The following ATM variants were observed in gnomAD, a reference collection of about 807,000 sequenced individuals.
The protein encoded by ATM is ATM serine/threonine kinase.
Under a neutral mutation model 387.0 loss-of-function variants are expected in ATM, and 308 were observed. The ratio of observed to expected loss-of-function variants is 0.80; its 90% confidence interval spans 0.73 to 0.87. ATM has a LOEUF of 0.87. ATM is among the 40% of genes least tolerant of loss of function. ATM has a pLI of 0.00. For missense variants in ATM, 3,312 were observed against 3,560.9 expected (o/e 0.93, Z 1.78); for synonymous variants, 1,156 against 1,187.3 (o/e 0.97, Z 0.54).
Position 108,317,348 on chromosome 11 carries a change from TAAAAAC to T in ATM, c.6199-20_6199-15del, listed in dbSNP as rs1360645587. Reference sequence around the variant, plus strand: ...TGTTGATATCTTTGATTACTTAACTTAAAAACAAAATAACTCCTGTTTAGGCCTTGC... The same window carrying T: ...TGTTGATATCTTTGATTACTTAACTTAAAATAACTCCTGTTTAGGCCTTGC... On this transcript the variant is annotated intron_variant, in intron 42 of 62. Transcript: ENST00000675843. The T allele has an allele frequency of 5.6e-6, 9 of 1,605,632 alleles. No individual in the cohort carries two copies. The highest frequency in any genetic ancestry group is 1.3e-5 in the African/African-American group (1 of 74,536).
At chr11:108,282,145 T>C (rs76979331) in intron 24 of ATM, among the ~76,000 whole-genome samples, 2 of 151,160 alleles carry the variant, frequency 1.3e-5, no homozygotes, top group Non-Finnish European at 3.0e-5. Context: ...TTTTTTTTTT[T>C]GAGACGGAGT....
chr11:108,331,950 C>T lies in ATM; in HGVS notation c.7701C>T (p.Asn2567=), dbSNP rs786201637. ...TTATACTGGCCTTAGCAAATGCAAA[C>T]AGAGATGAATTTCTGACTAAACCAG... ...LFIILALANA[N]RDEFLTKPEV... The change falls in exon 52 of 63, where the codon AAC becomes AAT. Residue 2567 remains asparagine (N), a synonymous_variant. Transcript: ENST00000675843. The T allele has an allele frequency of 6.2e-7, 1 of 1,613,934 alleles. No homozygotes were observed. The highest frequency in any genetic ancestry group is 8.5e-7 in the Non-Finnish European group (1 of 1,179,898).
At chr11:108,312,565 A>AAAAAATTAGGAACTATACTG in intron 40 of ATM, 67 bp downstream of exon 40, 1 of 1,149,192 alleles carries the variant, frequency 8.7e-7, no homozygotes, top group African/African-American at 1.5e-5. Context: ...TTTGTTATAG[A>AAAAAATTAGGAACTATACTG]CACTGTACAG....
intron 56 of ATM, 131 bp from the exon 57 acceptor site, chr11:108,343,091 T>A: frequency 8.5e-7 from 1 of 1,180,290 alleles, no homozygotes; most frequent in Non-Finnish European, 1.2e-6. Context: ...AGGAGCTTTG[T>A]CTTCTATGGA....
intron 16 of ATM, among the ~76,000 whole-genome samples, chr11:108,262,329 C>T (rs2080947269): frequency 6.6e-6 from 1 of 151,960 alleles, no homozygotes; most frequent in Non-Finnish European, 1.5e-5. Flanking sequence ...GGCCAATATT[C>T]AACATTCTTA....
At chr11:108,239,184 G>T (rs910327532) in intron 5 of ATM, among the ~76,000 whole-genome samples, 7 of 152,188 alleles carry the variant, frequency 4.6e-5, no homozygotes, top group African/African-American at 1.4e-4. Context: ...AAAGAGGCCA[G>T]AGAGCTAACT....
chr11:108,300,570 T>C (rs966790430), intron 34 of ATM, among the ~76,000 whole-genome samples: 9 of 152,168 alleles, frequency 5.9e-5, no homozygotes, highest in Admixed American at 2.6e-4. Context: ...TTTCTGTACT[T>C]CCCTTCCTCC....
At chr11:108,297,259 A>C in intron 32 of ATM, 28 bp from the exon 33 acceptor site, 1 of 1,577,028 alleles carries the variant, frequency 6.3e-7, no homozygotes, top group Non-Finnish European at 8.7e-7. Flanking sequence ...ATGCTAGTTT[A>C]AACTAATTTT....
intron 40 of ATM, 23 bp downstream of exon 40, chr11:108,312,521 T>G: frequency 1.4e-6 from 2 of 1,479,494 alleles, no homozygotes; most frequent in Non-Finnish European, 1.9e-6. Context: ...GGCTCTATTA[T>G]TTATGACAGT....
chr11:108,294,606 G>A (rs769268743), intron 31 of ATM, among the ~76,000 whole-genome samples: 2 of 152,196 alleles, frequency 1.3e-5, no homozygotes, highest in Non-Finnish European at 2.9e-5. Context: ...GGGCGTGGTG[G>A]CACATTCCTG....
At chr11:108,294,454 A>G (rs936852267) in intron 31 of ATM, among the ~76,000 whole-genome samples, 3 of 152,140 alleles carry the variant, frequency 2.0e-5, no homozygotes. Flanking sequence ...AATTTAAAGG[A>G]TTAGGCTGGG....
Position 108,244,862 on chromosome 11 carries a change from A to G in ATM, c.737A>G (p.Asn246Ser), listed in dbSNP as rs781023264. 10 of 1,613,892 alleles carry G rather than the reference A, an allele frequency of 6.2e-6. No homozygotes were observed. Among genetic ancestry groups the G allele is most frequent in the East Asian group, 2.2e-5 (1 of 44,822 alleles). The change falls in exon 7 of 63, where the codon AAC becomes AGC. Residue 246 changes from asparagine to serine, a missense_variant. Transcript: ENST00000675843. ...ATCTTCCTCAAGACTTTGGCTGTCA[A>G]CTTTCGAATTCGAGTGTGTGAATTA... ...LTIFLKTLAV[N>S]FRIRVCELGD... is the part of the protein sequence containing the mutation.
intron 57 of ATM, among the ~76,000 whole-genome samples, chr11:108,343,944 C>A (rs1023214662): frequency 2.0e-5 from 3 of 152,122 alleles, no homozygotes; most frequent in Admixed American, 1.3e-4. Flanking sequence ...TTCTGTCTAC[C>A]AGGTACTGTG....
Position 108,365,082 on chromosome 11 carries a change from G to T in ATM, c.8851G>T (p.Val2951Phe), listed in dbSNP as rs1555151205. ...TAATACATATGTTCTCTCTGTTTAGGTCCTTCTATATGATCCACTCTTTGA... is the reference window on the plus strand; with the variant it reads ...TAATACATATGTTCTCTCTGTTTAGTTCCTTCTATATGATCCACTCTTTGA... ...SQETLLTIVE[V>F]LLYDPLFDWT... Residue 2951 changes from valine (V) to phenylalanine (F), a missense_variant and splice_region_variant, in exon 62 of 63, where the codon GTC becomes TTC. Physicochemically the swap from Val to Phe is conservative, Grantham distance 50. This residue lies in a region of ATM where 21 missense variants were observed against 51.6 expected (regional missense o/e 0.41). Coordinates refer to ENST00000675843, the MANE Select transcript of ATM (RefSeq NM_000051.4). 1 of 1,613,878 alleles carries T rather than the reference G, an allele frequency of 6.2e-7. No homozygotes were observed. Among genetic ancestry groups the T allele is most frequent in the Non-Finnish European group, 8.5e-7 (1 of 1,179,866 alleles).
chr11:108,232,884 CAG>C (rs199738028), intron 4 of ATM, among the ~76,000 whole-genome samples: 3,038 of 149,572 alleles, frequency 0.02, 79 homozygotes, highest in African/African-American at 0.066. Flanking sequence ...TTTTTTGAGA[CAG>C]AGTTTTGCTC....
At chr11:108,314,493 T>G (rs1309968946) in intron 40 of ATM, among the ~76,000 whole-genome samples, 1 of 151,934 alleles carries the variant, frequency 6.6e-6, no homozygotes, top group African/African-American at 2.4e-5. Flanking sequence ...GGTAGGTCGG[T>G]ACTTATTTCT....
In ATM at chr11:108,297,318, A is replaced by G. The variant is rs786201667; in HGVS notation, c.4941A>G (p.Leu1647=). 2 of 1,614,056 alleles carry G rather than the reference A, an allele frequency of 1.2e-6. No individual in the cohort carries two copies. Among genetic ancestry groups the G allele is most frequent in the Non-Finnish European group, 1.7e-6 (2 of 1,179,962 alleles). Reference sequence around the variant, plus strand: ...CGCAAGATGGGATTATGGTGAAACTAGTTGTCAATTTGTTGCAGTTATCCA... The same window carrying G: ...CGCAAGATGGGATTATGGTGAAACTGGTTGTCAATTTGTTGCAGTTATCCA... The part of the protein sequence containing the change: ...DNPQDGIMVK[L]VVNLLQLSKM... Residue 1647 remains leucine, a synonymous_variant, in exon 33 of 63, where the codon CTA becomes CTG. Coordinates refer to ENST00000675843, the MANE Select transcript of ATM (RefSeq NM_000051.4).
chr11:108,280,520 GGT>G (rs142379744), intron 23 of ATM, among the ~76,000 whole-genome samples: 11 of 150,570 alleles, frequency 7.3e-5, no homozygotes, highest in Admixed American at 1.3e-4. Context: ...ACATAGTAGG[GGT>G]GTGTGTGTGT....
rs1035067652 is a variant in ATM, at chr11:108,369,016, A to G, written c.*3508A>G. The G allele has an allele frequency of 5.5e-6, 1 of 180,408 alleles. No individual in the cohort carries two copies. The highest frequency in any genetic ancestry group is 2.0e-4 in the South Asian group (1 of 5,064). 11.2% of individuals were successfully genotyped at this position (180,408 alleles called of 1,614,324 possible). On this transcript the variant is annotated 3_prime_UTR_variant, in exon 63 of 63. Transcript: ENST00000675843. ...ACCTTAATGAAATTATCTATTTTCT[A>G]TAGATTTTAGTACTATTGAATGTAT...
Sources: gnomAD v4.1 joint callset for allele counts (sites outside exome capture counted in the v4.1 genomes callset) on GRCh38, gnomAD v4.1.1 for gene constraint, gnomAD v4.1.1 regional missense constraint, MANE v1.5 for transcripts, NCBI Gene and HGNC (gene_info 2026-07-23, HGNC 2026-07-21) for gene names.